The following CA8 variants were observed in gnomAD, a reference collection of about 807,000 sequenced individuals.
CA8 encodes the protein carbonic anhydrase-related protein.
A neutral mutation model predicts 41.4 loss-of-function variants in CA8; 22 were observed. The observed-to-expected ratio is 0.53, with a 90% CI of 0.38 to 0.76. The LOEUF (loss-of-function observed/expected upper bound fraction) is 0.76. CA8 is among the 30% of genes least tolerant of loss of function. CA8 has a pLI of 0.00. For missense variants in CA8, 270 were observed against 352.8 expected (o/e 0.77, Z 1.88); for synonymous variants, 121 against 130.6 (o/e 0.93, Z 0.50).
At chr8:60,271,989 A>G (rs1804088061) in intron 2 of CA8, among the ~76,000 whole-genome samples, 1 of 152,156 alleles carries the variant, frequency 6.6e-6, no homozygotes, top group Non-Finnish European at 1.5e-5. Context: ...GCTCTAGGAG[A>G]TAATAGGACC....
chr8:60,243,639 G>A (rs1004517936), intron 3 of CA8, among the ~76,000 whole-genome samples: 38 of 152,094 alleles, frequency 2.5e-4, no homozygotes, highest in African/African-American at 8.2e-4. Flanking sequence ...GCCCGATCTC[G>A]TCTGAAACTT....
intron 8 of CA8, among the ~76,000 whole-genome samples, chr8:60,196,419 A>G (rs1377922796): frequency 6.6e-6 from 1 of 152,152 alleles, no homozygotes; most frequent in African/African-American, 2.4e-5. Flanking sequence ...TAGTTTGCCC[A>G]AGTTGTGGAA....
In CA8 at chr8:60,208,933, C is replaced by T. The variant is rs927191583; in HGVS notation, c.739-14G>A. 3 of 1,613,262 alleles carry T rather than the reference C, an allele frequency of 1.9e-6. No homozygotes were observed. In the African/African-American group the frequency reaches 4.0e-5, roughly 22 times the overall value. Reference sequence around the variant, plus strand: ...AAATTCTTCTATCTGAAAATAAAAGCAGAAGAAAATAGATTAATCAATTAT... The same window carrying T: ...AAATTCTTCTATCTGAAAATAAAAGTAGAAGAAAATAGATTAATCAATTAT... On this transcript the variant is annotated splice_polypyrimidine_tract_variant and intron_variant, in intron 7 of 8. Coordinates refer to ENST00000317995, the MANE Select transcript of CA8 (RefSeq NM_004056.6).
At position 60,186,838 on chromosome 8, in the gene CA8, T is replaced by A. The variant is rs370080037; in HGVS notation, c.*3183A>T. 6.6e-6 allele frequency among the ~76,000 whole-genome samples: 1 copy of A among 151,930 alleles called. No homozygotes were observed. The highest frequency in any genetic ancestry group is 6.6e-5 in the Admixed American group (1 of 15,258). On this transcript the variant is annotated 3_prime_UTR_variant, in exon 9 of 9. Transcript: ENST00000317995. Reference sequence around the variant, plus strand: ...AGAAGGACAAAAGTCCCAAAATGAATGTAGAAAAAAACTGACAGAATTGAA... The same window carrying A: ...AGAAGGACAAAAGTCCCAAAATGAAAGTAGAAAAAAACTGACAGAATTGAA...
chr8:60,243,146 G>C (rs527874614), intron 3 of CA8, among the ~76,000 whole-genome samples: 23 of 152,150 alleles, frequency 1.5e-4, no homozygotes, highest in Admixed American at 3.9e-4. Context: ...CCAGCCCAAA[G>C]GCCCACCAGT....
At chr8:60,223,761 T>C (rs77201548) in intron 6 of CA8, among the ~76,000 whole-genome samples, 1,795 of 152,326 alleles carry the variant, frequency 0.012, 25 homozygotes, top group African/African-American at 0.041. Context: ...ACGATAGAAA[T>C]TGGTTTGTTG....
At chr8:60,208,026 A>G (rs1317610034) in intron 8 of CA8, 1 of 152,244 alleles carries the variant, frequency 6.6e-6, no homozygotes, top group Non-Finnish European at 1.5e-5. Flanking sequence ...ATGTACAATG[A>G]CCTATGCACT....
At chr8:60,212,623 A>G (rs1806875850) in intron 7 of CA8, among the ~76,000 whole-genome samples, 1 of 152,246 alleles carries the variant, frequency 6.6e-6, no homozygotes, top group African/African-American at 2.4e-5. Context: ...GAAGAATGGC[A>G]GCTGCCAAGA....
chr8:60,243,916 A>G (rs1472848381), intron 3 of CA8, among the ~76,000 whole-genome samples: 6 of 152,144 alleles, frequency 3.9e-5, no homozygotes, highest in Non-Finnish European at 7.4e-5. Context: ...CATGTCTTCA[A>G]TCCTCACCTG....
In CA8 at chr8:60,270,167, A is replaced by C. The variant is rs958554472; in HGVS notation, c.293-4118T>G. On this transcript the variant is annotated intron_variant, in intron 2 of 8. Transcript: ENST00000317995. Reference sequence around the variant, plus strand: ...GAGGGCTTTTAATCAGGGGACTAACATGATCATATCTGCAATTTAAAGTAT... The same window carrying C: ...GAGGGCTTTTAATCAGGGGACTAACCTGATCATATCTGCAATTTAAAGTAT... Among the ~76,000 whole-genome samples, 12 of 152,344 alleles carry C rather than the reference A, an allele frequency of 7.9e-5. No homozygotes were observed. In the South Asian group the frequency reaches 2.5e-3, roughly 32 times the overall value.
In CA8 at chr8:60,185,742, A is replaced by T. The variant is rs1805946418; in HGVS notation, c.*4279T>A. Among the ~76,000 whole-genome samples, 3 of 152,218 alleles carry T rather than the reference A, an allele frequency of 2.0e-5. No individual in the cohort carries two copies. In the East Asian group the frequency reaches 5.8e-4, roughly 29 times the overall value. On this transcript the variant is annotated 3_prime_UTR_variant, in exon 9 of 9. Transcript: ENST00000317995. ...AGGTAAAATAAAGATAGCCCATATA[A>T]ACAAAAACTAAAGATTTGTCCCTAT... is the stretch of plus-strand genomic sequence containing the variant.
intron 3 of CA8, among the ~76,000 whole-genome samples, chr8:60,249,327 C>G (rs927143043): frequency 1.3e-5 from 2 of 152,084 alleles, no homozygotes; most frequent in African/African-American, 4.8e-5. Flanking sequence ...GTGGCACCAC[C>G]CTTCAGGAGT....
chr8:60,251,671 C>T (rs1319333211), intron 3 of CA8, among the ~76,000 whole-genome samples: 1 of 152,184 alleles, frequency 6.6e-6, no homozygotes, highest in Non-Finnish European at 1.5e-5. Context: ...TTTGTCCATA[C>T]CCCAAATAAG....
Position 60,188,623 on chromosome 8 carries a change from T to A in CA8, c.*1398A>T, listed in dbSNP as rs1024219288. ...ATACACAAGGGAAGTCCAGGACCTC[T>A]CTCCGCTTTCAGAGGCACTGCCTGG... On this transcript the variant is annotated 3_prime_UTR_variant, in exon 9 of 9. Transcript: ENST00000317995. 2 of 152,206 alleles carry A rather than the reference T, an allele frequency of 1.3e-5. No homozygotes were observed. Among genetic ancestry groups the A allele is most frequent in the Non-Finnish European group, 2.9e-5 (2 of 68,052 alleles). The allele number at this position is 152,206 out of a possible 1,614,324, so 9.4% of individuals were successfully genotyped here.
intron 3 of CA8, among the ~76,000 whole-genome samples, chr8:60,262,551 T>C (rs374431689): frequency 2.0e-5 from 3 of 152,346 alleles, no homozygotes; most frequent in African/African-American, 7.2e-5. Context: ...CCACACATTA[T>C]GGAAAAGGAT....
intron 8 of CA8, among the ~76,000 whole-genome samples, chr8:60,192,192 G>A (rs1290317918): frequency 6.8e-6 from 1 of 146,162 alleles, no homozygotes; most frequent in African/African-American, 2.6e-5. Flanking sequence ...GCAAATACCA[G>A]ATTAACTGAA....
rs1807685881 is a variant in CA8 at position 60,232,423 on chromosome 8, C to T, written c.418-44G>A. 6 of 1,282,092 alleles carry T rather than the reference C, an allele frequency of 4.7e-6. No homozygotes were observed. In the Admixed American group the frequency reaches 6.7e-5, roughly 14 times the overall value. The allele number at this position is 1,282,092 out of a possible 1,614,324, so 79.4% of individuals were successfully genotyped here. On this transcript the variant is annotated intron_variant, in intron 3 of 8. Coordinates refer to ENST00000317995, the MANE Select transcript of CA8 (RefSeq NM_004056.6). ...ACAGACCACATCATTTAATGTGCTA[C>T]TTCTAATCATAAAAGCAAAGATATA...
intron 7 of CA8, among the ~76,000 whole-genome samples, chr8:60,221,064 C>T (rs1228626892): frequency 1.3e-5 from 2 of 152,236 alleles, no homozygotes; most frequent in African/African-American, 4.8e-5. Context: ...AAGCCACTGA[C>T]ATTTTGAGGT....
At chr8:60,198,122 G>C (rs896683537) in intron 8 of CA8, among the ~76,000 whole-genome samples, 1 of 152,138 alleles carries the variant, frequency 6.6e-6, no homozygotes, top group Non-Finnish European at 1.5e-5. Context: ...ATGTGGTGTC[G>C]TGAAAAGAGC....
Sources: allele counts gnomAD v4.1 joint callset (sites outside exome capture counted in the v4.1 genomes callset), GRCh38; gene constraint gnomAD v4.1.1; transcripts MANE v1.5; gene names NCBI Gene and HGNC (gene_info 2026-07-23, HGNC 2026-07-21).